Variants in SPOCK3 observed in about 807,000 individuals in gnomAD.
SPOCK3 encodes the protein testican-3.
SPOCK3 carries 30 observed loss-of-function variants against 56.6 expected under a neutral mutation model. The ratio of observed to expected loss-of-function variants is 0.53; its 90% CI spans 0.40 to 0.72. SPOCK3 has a LOEUF of 0.72. Among genes scored for constraint, SPOCK3 ranks in the 30% least tolerant of loss-of-function variants. The pLI, the probability that SPOCK3 is intolerant of heterozygous loss-of-function variation, is 0.00. For missense variants in SPOCK3, 527 were observed against 530.0 expected, an observed-to-expected ratio of 0.99 and a Z score of 0.06; for synonymous variants, 196 against 183.3, an observed-to-expected ratio of 1.07 and a Z score of -0.56.
chr4:167,124,946 G>C (rs529577466), intron 2 of SPOCK3, among the ~76,000 whole-genome samples: 14 of 151,938 alleles, frequency 9.2e-5, no homozygotes, highest in Admixed American at 7.9e-4. Context: ...GTCCTCCCTC[G>C]GCCCAATATC....
At chr4:166,976,557 C>G (rs970629167) in intron 4 of SPOCK3, among the ~76,000 whole-genome samples, 1 of 152,078 alleles carries the variant, frequency 6.6e-6, no homozygotes, top group East Asian at 1.9e-4. Flanking sequence ...AACCTACTTC[C>G]TTTCTTTATT....
intron 2 of SPOCK3, among the ~76,000 whole-genome samples, chr4:167,202,161 T>C (rs1733578971): frequency 6.6e-6 from 1 of 151,990 alleles, no homozygotes; most frequent in Non-Finnish European, 1.5e-5. Flanking sequence ...TTGGATTAAG[T>C]GTTAAACTTC....
At chr4:166,967,990 C>T (rs1352876625) in intron 4 of SPOCK3, among the ~76,000 whole-genome samples, 2 of 152,152 alleles carry the variant, frequency 1.3e-5, no homozygotes, top group Admixed American at 1.3e-4. Context: ...ATCACTCTTG[C>T]TGTGCTTTAG....
intron 4 of SPOCK3, among the ~76,000 whole-genome samples, chr4:166,938,282 C>A (rs886644900): frequency 6.6e-6 from 1 of 152,068 alleles, no homozygotes; most frequent in Admixed American, 6.5e-5. Context: ...GGTGTAAAAA[C>A]CGCTTGGGAA....
intron 2 of SPOCK3, among the ~76,000 whole-genome samples, chr4:167,181,641 A>G (rs1731462539): frequency 6.6e-6 from 1 of 152,046 alleles, no homozygotes; most frequent in Non-Finnish European, 1.5e-5. Flanking sequence ...GTGTAACTCA[A>G]ATTCCCATAC....
intron 4 of SPOCK3, among the ~76,000 whole-genome samples, chr4:166,961,250 T>TAA (rs33983685): frequency 0.18 from 26,526 of 145,720 alleles, 2,473 homozygotes; most frequent in African/African-American, 0.24. Flanking sequence ...CCCACGAAAT[T>TAA]AAAAAAAAAA....
At chr4:167,080,878 CTTT>C (rs766090610) in intron 2 of SPOCK3, among the ~76,000 whole-genome samples, 4 of 129,050 alleles carry the variant, frequency 3.1e-5, no homozygotes, top group African/African-American at 5.9e-5. Flanking sequence ...CTCTTTCTTT[CTTT>C]TTTTTTTTTT....
intron 2 of SPOCK3, among the ~76,000 whole-genome samples, chr4:167,082,238 G>C (rs1168196959): frequency 1.3e-5 from 2 of 152,100 alleles, no homozygotes; most frequent in African/African-American, 4.8e-5. Flanking sequence ...AAGAAAGGTA[G>C]TTAATTATGT....
Position 166,849,404 on chromosome 4 carries a change from T to G in SPOCK3, c.589+39726A>C, listed in dbSNP as rs528068909. ...GGTTGATGCAAAAGTAATTGTGTGG[T>G]TTTTTTTTGTCATTAAAAGTAATGT... On this transcript the variant is annotated intron_variant, in intron 6 of 10. Coordinates refer to ENST00000357545, the MANE Select transcript of SPOCK3 (RefSeq NM_001040159.2). 2.7e-3 allele frequency among the ~76,000 whole-genome samples: 402 copies of G among 150,984 alleles called. 4 individuals are homozygous for G. The highest frequency in any genetic ancestry group is 9.1e-3 in the African/African-American group (377 of 41,248).
At chr4:167,149,729 T>C (rs578184046) in intron 2 of SPOCK3, among the ~76,000 whole-genome samples, 1 of 152,148 alleles carries the variant, frequency 6.6e-6, no homozygotes, top group South Asian at 2.1e-4. Context: ...CTTTAAGCTG[T>C]TAACAAAATA....
At chr4:167,222,411 A>C (rs1736013308) in intron 2 of SPOCK3, among the ~76,000 whole-genome samples, 1 of 151,164 alleles carries the variant, frequency 6.6e-6, no homozygotes, top group African/African-American at 2.4e-5. Context: ...TATACACTTA[A>C]AAATGGCTAA....
At chr4:167,118,482 T>C (rs1213341882) in intron 2 of SPOCK3, among the ~76,000 whole-genome samples, 1 of 152,218 alleles carries the variant, frequency 6.6e-6, no homozygotes, top group Non-Finnish European at 1.5e-5. Flanking sequence ...AGTGACGTTA[T>C]AGAGTCAGAA....
intron 5 of SPOCK3, among the ~76,000 whole-genome samples, chr4:166,910,796 A>C (rs1020014370): frequency 6.6e-6 from 1 of 152,284 alleles, no homozygotes. Context: ...ATGTTGAGAA[A>C]GACATACTTC....
At chr4:167,160,289 C>T (rs879422714) in intron 2 of SPOCK3, among the ~76,000 whole-genome samples, 7 of 152,082 alleles carry the variant, frequency 4.6e-5, no homozygotes, top group Non-Finnish European at 8.8e-5. Context: ...CTCCCATTCA[C>T]AATTGCTTCA....
At chr4:167,160,447 G>A (rs1245410611) in intron 2 of SPOCK3, among the ~76,000 whole-genome samples, 3 of 152,064 alleles carry the variant, frequency 2.0e-5, no homozygotes, top group Admixed American at 6.6e-5. Context: ...AATCAATATC[G>A]TGAAGATGGC....
rs906911401 is a variant in SPOCK3, at chr4:167,193,736, A to G, written c.189+40249T>C. On this transcript the variant is annotated intron_variant, in intron 2 of 10. Coordinates refer to ENST00000357545, the MANE Select transcript of SPOCK3 (RefSeq NM_001040159.2). ...GCAATGTTTCTGCTGAGAAACCCAA[A>G]GATAATCTTATGAGAGTTCTCTTAT... Among the ~76,000 whole-genome samples the G allele has an allele frequency of 8.2e-5, 12 of 145,984 alleles. 3 individuals carry two copies. The highest frequency in any genetic ancestry group is 1.3e-4 in the Non-Finnish European group (9 of 67,052).
intron 6 of SPOCK3, among the ~76,000 whole-genome samples, chr4:166,835,707 CG>C (rs1746535512): frequency 6.6e-6 from 1 of 152,016 alleles, no homozygotes; most frequent in Non-Finnish European, 1.5e-5. Flanking sequence ...TATAAATATT[CG>C]TTCAAAAAAT....
At chr4:166,780,856 A>G (rs1002619604) in intron 7 of SPOCK3, among the ~76,000 whole-genome samples, 1 of 152,144 alleles carries the variant, frequency 6.6e-6, no homozygotes, top group Non-Finnish European at 1.5e-5. Flanking sequence ...TACAATCAAG[A>G]AGGGGGACCC....
chr4:166,808,731 GT>G (rs1391562866), intron 6 of SPOCK3, among the ~76,000 whole-genome samples: 1 of 152,048 alleles, frequency 6.6e-6, no homozygotes, highest in Non-Finnish European at 1.5e-5. Flanking sequence ...AACATTTTCA[GT>G]GTTATGGCAA....
Sources: allele counts gnomAD v4.1 joint callset (sites outside exome capture counted in the v4.1 genomes callset), GRCh38; gene constraint gnomAD v4.1.1; transcripts MANE v1.5; gene names NCBI Gene and HGNC (gene_info 2026-07-23, HGNC 2026-07-21).